CCND1: variants seen among roughly 807,000 people sequenced by gnomAD.
The protein encoded by CCND1 is G1/S-specific cyclin-D1.
A neutral mutation model predicts 26.1 loss-of-function variants in CCND1; 9 were observed. That is an observed-to-expected ratio of 0.35 (90% CI 0.21 to 0.60). The LOEUF is 0.60. Ranked by LOEUF, CCND1 falls within the 20% of genes least tolerant of loss-of-function variation. The pLI is 0.79. For synonymous variants in CCND1, 194 were observed against 166.1 expected, an observed-to-expected ratio of 1.17 and a Z score of -1.29; for missense variants, 335 against 392.9, an observed-to-expected ratio of 0.85 and a Z score of 1.25.
Position 69,651,335 on chromosome 11 carries a change from C to CA in CCND1, c.*53_*54insA. ...CACCCGCAGCGAGGGCGGAGCCGGC[C>CA]CCAGGTGCTCCCCTGACAGTCCCTC... is the stretch of plus-strand genomic sequence containing the variant. On this transcript the variant is annotated 3_prime_UTR_variant, in exon 5 of 5. Transcript: ENST00000227507. The CA allele has an allele frequency of 7.2e-7, 1 of 1,389,528 alleles. No individual in the cohort carries two copies. The highest frequency in any genetic ancestry group is 2.6e-4 in the Middle Eastern group (1 of 3,902). The allele number at this position is 1,389,528 out of a possible 1,614,324, so 86.1% of individuals were successfully genotyped here. A position where few individuals can be genotyped will look rare whatever the true frequency, so the allele number is the denominator to read the frequency against.
Position 69,654,435 on chromosome 11 carries a change from A to G in CCND1, c.*3153A>G. The G allele has an allele frequency of 1.5e-6, 1 of 679,748 alleles. No individual in the cohort carries two copies. Among genetic ancestry groups the G allele is most frequent in the Non-Finnish European group, 2.7e-6 (1 of 371,670 alleles). 42.1% of individuals were successfully genotyped at this position (679,748 alleles called of 1,614,324 possible). On this transcript the variant is annotated 3_prime_UTR_variant, in exon 5 of 5. Transcript: ENST00000227507. This position sits in a 1 kb window ranked among gnomAD's most constrained non-coding sequence, Gnocchi z 6.3. ...CATGTTTCCAGCAGAAGACAAAAAG[A>G]CAAACATGAAAGTCTAGAAATAAAA...
At position 69,653,937 on chromosome 11, in the gene CCND1, C is replaced by T. The variant is rs113088923; in HGVS notation, c.*2655C>T. On this transcript the variant is annotated 3_prime_UTR_variant, in exon 5 of 5. Transcript: ENST00000227507. ...CTGTTTGTTATTGTTTTGTTAATTA[C>T]ACCATAATGCTAATTTAAAGAGACT... The T allele has an allele frequency of 5.3e-3, 2,938 of 550,926 alleles. 16 individuals are homozygous for T. Among genetic ancestry groups the T allele is most frequent in the South Asian group, 8.8e-3 (365 of 41,604 alleles). 34.1% of individuals were successfully genotyped at this position (550,926 alleles called of 1,614,324 possible).
intron 3 of CCND1, among the ~76,000 whole-genome samples, chr11:69,644,641 C>T (rs977357220): frequency 6.6e-6 from 1 of 152,210 alleles, no homozygotes; most frequent in Non-Finnish European, 1.5e-5. Context: ...ACCCAGTCCT[C>T]ACTTCCCCTG....
At chr11:69,645,938 A>T (rs1297443447) in intron 3 of CCND1, among the ~76,000 whole-genome samples, 1 of 152,186 alleles carries the variant, frequency 6.6e-6, no homozygotes, top group Admixed American at 6.5e-5. Flanking sequence ...GTCCAGTGCC[A>T]AGGAGCTTCC....
Position 69,641,514 on chromosome 11 carries a change from GC to G in CCND1, c.198+4del. 6.2e-7 allele frequency: 1 copy of G among 1,612,746 alleles called. No individual in the cohort carries two copies. Among genetic ancestry groups the G allele is most frequent in the South Asian group, 1.1e-5 (1 of 91,080 alleles). The stretch of plus-strand genomic sequence containing the variant: ...TCGTCGCCACCTGGATGCTGGAGGT[GC>G]GGGGCTTCGGGCGGCTCTCTTAAGA... On this transcript the variant is annotated splice_donor_region_variant and intron_variant, in intron 1 of 4. Coordinates refer to ENST00000227507, the MANE Select transcript of CCND1 (RefSeq NM_053056.3).
chr11:69,654,105 C>T lies in CCND1; in HGVS notation c.*2823C>T. On this transcript the variant is annotated 3_prime_UTR_variant, in exon 5 of 5. Transcript: ENST00000227507. This position sits in a 1 kb window ranked among gnomAD's most constrained non-coding sequence, Gnocchi z 6.3. ...GGGTCATCCTGTGCTCGGAGGCCAT[C>T]TCGGGCACAGGCCCACCCCGCCCCA... 1.5e-6 allele frequency: 1 copy of T among 656,020 alleles called. No individual in the cohort carries two copies. Among genetic ancestry groups the T allele is most frequent in the South Asian group, 1.7e-5 (1 of 58,658 alleles). The allele number at this position is 656,020 out of a possible 1,614,324, so 40.6% of individuals were successfully genotyped here.
chr11:69,654,378 C>T lies in CCND1; in HGVS notation c.*3096C>T, dbSNP rs750697023. The stretch of plus-strand genomic sequence containing the variant: ...TGGGTCTGTGCATTTCTGGTTGCAC[C>T]GCGGCGCTTCCCAGCACCAACATGT... On this transcript the variant is annotated 3_prime_UTR_variant, in exon 5 of 5. Transcript: ENST00000227507. This position sits in a 1 kb window ranked among gnomAD's most constrained non-coding sequence, Gnocchi z 6.3. The T allele has an allele frequency of 6.4e-5, 45 of 701,512 alleles. No individual in the cohort carries two copies. Among genetic ancestry groups the T allele is most frequent in the Non-Finnish European group, 9.6e-5 (37 of 384,414 alleles). 43.5% of individuals were successfully genotyped at this position (701,512 alleles called of 1,614,324 possible).
chr11:69,653,418 A>ATT lies in CCND1; in HGVS notation c.*2136_*2137insTT. 3.3e-6 allele frequency: 2 copies of ATT among 600,912 alleles called. No individual in the cohort carries two copies. Among genetic ancestry groups the ATT allele is most frequent in the Admixed American group, 3.2e-5 (1 of 31,028 alleles). 37.2% of individuals were successfully genotyped at this position (600,912 alleles called of 1,614,324 possible). ...ATTGTATTACAGATGCCTTTTTTGT[A>ATT]GTTTTTTTTTTTTTTATGTGATCAA... On this transcript the variant is annotated 3_prime_UTR_variant, in exon 5 of 5. Coordinates refer to ENST00000227507, the MANE Select transcript of CCND1 (RefSeq NM_053056.3).
intron 4 of CCND1, chr11:69,648,388 TAG>T: frequency 1.9e-6 from 1 of 537,848 alleles, no homozygotes; most frequent in Non-Finnish European, 3.3e-6. Context: ...CCAGGAGCCG[TAG>T]AGTTTCTGGG....
Position 69,641,512 on chromosome 11 carries a change from G to T in CCND1, c.198+1G>T. On this transcript the variant is annotated splice_donor_variant, in intron 1 of 4. Coordinates refer to ENST00000227507, the MANE Select transcript of CCND1 (RefSeq NM_053056.3). LOFTEE classifies it high-confidence loss of function. ...GATCGTCGCCACCTGGATGCTGGAG[G>T]TGCGGGGCTTCGGGCGGCTCTCTTA... 1 of 1,612,802 alleles carries T rather than the reference G, an allele frequency of 6.2e-7. No individual in the cohort carries two copies. Among genetic ancestry groups the T allele is most frequent in the Non-Finnish European group, 8.5e-7 (1 of 1,179,838 alleles).
chr11:69,651,258 C>T lies in CCND1; in HGVS notation c.864C>T (p.Thr288=), dbSNP rs748058235. The change falls in exon 5 of 5, where the codon ACC becomes ACT. Residue 288 remains threonine (T), a synonymous_variant. Transcript: ENST00000227507. Reference sequence around the variant, plus strand: ...AGGTGGACCTGGCTTGCACACCCACCGACGTGCGGGACGTGGACATCTGAG... The same window carrying T: ...AGGTGGACCTGGCTTGCACACCCACTGACGTGCGGGACGTGGACATCTGAG... ...EEEVDLACTP[T]DVRDVDI is the part of the protein sequence containing the mutation. 14 of 1,563,216 alleles carry T rather than the reference C, an allele frequency of 9.0e-6. No homozygotes were observed. Among genetic ancestry groups the T allele is most frequent in the East Asian group, 7.1e-5 (3 of 41,996 alleles).
intron 3 of CCND1, 121 bp downstream of exon 3, chr11:69,644,112 C>G (rs796414980): frequency 1.1e-6 from 1 of 892,148 alleles, no homozygotes; most frequent in Non-Finnish European, 1.8e-6. Context: ...CCCCCTCCTG[C>G]GCTGGAGAGC....
chr11:69,645,326 G>T (rs546214974), intron 3 of CCND1, among the ~76,000 whole-genome samples: 57 of 152,340 alleles, frequency 3.7e-4, no homozygotes, highest in African/African-American at 1.3e-3. Flanking sequence ...GTGGGGCGTG[G>T]TTCTTGCACA....
At chr11:69,649,555 T>A (rs1855829131) in intron 4 of CCND1, among the ~76,000 whole-genome samples, 1 of 152,232 alleles carries the variant, frequency 6.6e-6, no homozygotes, top group Admixed American at 6.5e-5. Context: ...AGAATTTTCT[T>A]TGGTGGGTGG....
chr11:69,646,954 C>T (rs1451797911), intron 3 of CCND1, among the ~76,000 whole-genome samples: 1 of 152,188 alleles, frequency 6.6e-6, no homozygotes, highest in Non-Finnish European at 1.5e-5. Context: ...ACCACAAAGG[C>T]TGATGGGCCG....
chr11:69,645,691 C>T (rs756407283), intron 3 of CCND1, among the ~76,000 whole-genome samples: 15 of 152,184 alleles, frequency 9.9e-5, no homozygotes, highest in African/African-American at 2.7e-4. Flanking sequence ...GAGTGACTTA[C>T]GGCTGCTTAA....
At chr11:69,641,664 T>C (rs182264793) in intron 1 of CCND1, among the ~76,000 whole-genome samples, 153 bp downstream of exon 1, 34 of 151,228 alleles carry the variant, frequency 2.2e-4, no homozygotes, top group African/African-American at 8.2e-4. Context: ...AAATAAAAAT[T>C]GCGGGTATTT....
Position 69,643,923 on chromosome 11 carries a change from C to T in CCND1, c.506C>T (p.Pro169Leu), listed in dbSNP as rs1855746050. The T allele has an allele frequency of 6.2e-7, 1 of 1,613,650 alleles. No individual in the cohort carries two copies. Among genetic ancestry groups the T allele is most frequent in the Non-Finnish European group, 8.5e-7 (1 of 1,180,014 alleles). ...DFIEHFLSKM[P>L]EAEENKQIIR... The stretch of plus-strand genomic sequence containing the variant: ...ATTGAACACTTCCTCTCCAAAATGC[C>T]AGAGGCGGAGGAGAACAAACAGATC... Residue 169 changes from proline to leucine, a missense_variant, in exon 3 of 5, where the codon CCA becomes CTA. Pro to Leu is a moderately conservative substitution (Grantham distance 98). Transcript: ENST00000227507.
rs2120119276 is a variant in CCND1, at chr11:69,651,103, C to T, written c.724-15C>T. The T allele has an allele frequency of 6.2e-7, 1 of 1,610,192 alleles. No individual in the cohort carries two copies. The highest frequency in any genetic ancestry group is 8.5e-7 in the Non-Finnish European group (1 of 1,178,246). On this transcript the variant is annotated splice_polypyrimidine_tract_variant and intron_variant, in intron 4 of 4. Transcript: ENST00000227507. Reference sequence around the variant, plus strand: ...GACCCCCTCTTCCCACCTCTCCCCACCCTCTCTCTCTCAGGACTGCCTCCG... The same window carrying T: ...GACCCCCTCTTCCCACCTCTCCCCATCCTCTCTCTCTCAGGACTGCCTCCG...
Sources: gnomAD v4.1 joint callset for allele counts (sites outside exome capture counted in the v4.1 genomes callset) on GRCh38, gnomAD v4.1.1 for gene constraint, Gnocchi (gnomAD v3.1) non-coding constraint, MANE v1.5 for transcripts, NCBI Gene and HGNC (gene_info 2026-07-23, HGNC 2026-07-21) for gene names.